The following USP24 variants were observed in gnomAD, a reference collection of about 807,000 sequenced individuals.
USP24 encodes ubiquitin carboxyl-terminal hydrolase 24.
USP24 carries 97 observed loss-of-function variants against 361.6 expected under a neutral mutation model. The observed-to-expected ratio is 0.27, with a 90% CI of 0.23 to 0.32. The LOEUF is 0.32. Ranked by LOEUF, USP24 falls within the 10% of genes least tolerant of loss-of-function variation. The pLI, the probability that USP24 is intolerant of heterozygous loss-of-function variation, is 1.00. For synonymous variants in USP24, 1,098 were observed against 1,124.6 expected, an observed-to-expected ratio of 0.98 and a Z score of 0.47; for missense variants, 2,353 against 3,165.6, an observed-to-expected ratio of 0.74 and a Z score of 6.16.
chr1:55,190,522 G>A (rs1347784038), intron 1 of USP24, among the ~76,000 whole-genome samples: 1 of 152,118 alleles, frequency 6.6e-6, no homozygotes, highest in African/African-American at 2.4e-5. Flanking sequence ...TCATAGCTCC[G>A]AACAGACATA....
At chr1:55,110,453 G>A (rs1011716340) in intron 38 of USP24, among the ~76,000 whole-genome samples, 1 of 152,144 alleles carries the variant, frequency 6.6e-6, no homozygotes, top group African/African-American at 2.4e-5. Context: ...ACGGTGTAAA[G>A]AGAGGGAAAC....
intron 8 of USP24, among the ~76,000 whole-genome samples, chr1:55,160,813 G>A (rs1164923294): frequency 8.5e-5 from 13 of 152,054 alleles, no homozygotes. Context: ...AAGAGCATGT[G>A]TTTAAAACCC....
intron 39 of USP24, 147 bp from the exon 40 acceptor site, chr1:55,107,577 C>T (rs865832135): frequency 9.2e-6 from 9 of 974,642 alleles, no homozygotes; most frequent in African/African-American, 8.3e-5. Flanking sequence ...GGCGAGCTGG[C>T]TCACATCTGT....
At chr1:55,156,902 G>A (rs760159045) in intron 12 of USP24, 46 bp downstream of exon 12, 2 of 1,422,544 alleles carry the variant, frequency 1.4e-6, no homozygotes, top group Non-Finnish European at 2.0e-6. Flanking sequence ...CTCTCCTGTA[G>A]TCCAAAAACA....
At chr1:55,070,866 T>C (rs1036115580) in intron 67 of USP24, among the ~76,000 whole-genome samples, 1 of 152,112 alleles carries the variant, frequency 6.6e-6, no homozygotes, top group African/African-American at 2.4e-5. Flanking sequence ...CGCTAGGGGC[T>C]TTGGGTGGAC....
Position 55,073,936 on chromosome 1 carries a change from A to G in USP24, c.7448-30T>C, listed in dbSNP as rs753444698. On this transcript the variant is annotated intron_variant, in intron 63 of 67. Coordinates refer to ENST00000294383, the MANE Select transcript of USP24 (RefSeq NM_015306.3). Reference sequence around the variant, plus strand: ...GGGAAGAGAAAAGGACATTTTAACAATAAAAGACTCAACTGAAAATGGCTC... The same window carrying G: ...GGGAAGAGAAAAGGACATTTTAACAGTAAAAGACTCAACTGAAAATGGCTC... The G allele has an allele frequency of 7.2e-6, 11 of 1,536,894 alleles. No individual in the cohort carries two copies. In the Middle Eastern group the frequency reaches 1.3e-3, roughly 188 times the overall value.
chr1:55,190,840 T>G (rs1331517353), intron 1 of USP24, among the ~76,000 whole-genome samples: 1 of 152,090 alleles, frequency 6.6e-6, no homozygotes, highest in Non-Finnish European at 1.5e-5. Flanking sequence ...TTGAAGAAGT[T>G]TAAAGGAAAT....
rs543369783 is a variant in USP24 at position 55,175,358 on chromosome 1, C to T, written c.558+1018G>A. Among the ~76,000 whole-genome samples the T allele has an allele frequency of 2.5e-3, 379 of 151,398 alleles. 2 individuals are homozygous for T. The highest frequency in any genetic ancestry group is 4.4e-3 in the Non-Finnish European group (300 of 67,908). ...TCTCCTGCCTCAGCCTCCTGCGTAG[C>T]TGGGATTATAGGTGCCCACCACCAG... On this transcript the variant is annotated intron_variant, in intron 3 of 67. Transcript: ENST00000294383.
chr1:55,198,487 G>T lies in USP24; in HGVS notation c.324+16303C>A, dbSNP rs140502275. On this transcript the variant is annotated intron_variant, in intron 1 of 67. Coordinates refer to ENST00000294383, the MANE Select transcript of USP24 (RefSeq NM_015306.3). Reference sequence around the variant, plus strand: ...CATGAGCTGTGTGATTTTAGACAGGGTTTCTTAACCTTGTTTCTACTGACA... The same window carrying T: ...CATGAGCTGTGTGATTTTAGACAGGTTTTCTTAACCTTGTTTCTACTGACA... 3.8e-3 allele frequency among the ~76,000 whole-genome samples: 572 copies of T among 152,268 alleles called. 5 individuals carry two copies. Among genetic ancestry groups the T allele is most frequent in the African/African-American group, 0.013 (535 of 41,550 alleles).
At chr1:55,076,135 G>A (rs1228639125) in intron 62 of USP24, among the ~76,000 whole-genome samples, 1 of 152,084 alleles carries the variant, frequency 6.6e-6, no homozygotes, top group Admixed American at 6.6e-5. Context: ...TTCTCTGTGG[G>A]TTATGAGGAC....
rs746695441 is a variant in USP24 at position 55,178,102 on chromosome 1, C to T, written c.355G>A (p.Glu119Lys). ...KNDENGNCSG[E>K]GIEFPTTNLY... ...TTTGTTGTAGGGAATTCAATTCCTT[C>T]CCCTGAGCAGTTTCCATTCTCATCA... is the stretch of plus-strand genomic sequence containing the variant. The change falls in exon 2 of 68, where the codon GAA becomes AAA. Residue 119 changes from glutamate to lysine, a missense_variant. Physicochemically the swap from Glu to Lys is moderately conservative, Grantham distance 56. Coordinates refer to ENST00000294383, the MANE Select transcript of USP24 (RefSeq NM_015306.3). The T allele has an allele frequency of 3.9e-6, 6 of 1,551,462 alleles. No individual in the cohort carries two copies. Among genetic ancestry groups the T allele is most frequent in the South Asian group, 3.6e-5 (3 of 84,040 alleles).
At chr1:55,169,101 G>C (rs1235773277) in intron 5 of USP24, among the ~76,000 whole-genome samples, 1 of 151,620 alleles carries the variant, frequency 6.6e-6, no homozygotes, top group African/African-American at 2.4e-5. Flanking sequence ...TATGAGTTAA[G>C]AACATGAGAC....
intron 1 of USP24, among the ~76,000 whole-genome samples, chr1:55,194,733 C>T (rs1179089868): frequency 6.6e-6 from 1 of 152,106 alleles, no homozygotes; most frequent in African/African-American, 2.4e-5. Context: ...TCCAGATTTA[C>T]CATATCCACA....
At chr1:55,189,683 TTATAGTA>T (rs1644234753) in intron 1 of USP24, among the ~76,000 whole-genome samples, 1 of 152,242 alleles carries the variant, frequency 6.6e-6, no homozygotes, top group East Asian at 1.9e-4. Flanking sequence ...ACGGTGAACT[TTATAGTA>T]TAAGAATTCT....
chr1:55,092,236 C>T, intron 53 of USP24, 110 bp from the exon 54 acceptor site: 1 of 610,256 alleles, frequency 1.6e-6, no homozygotes, highest in South Asian at 2.8e-5. Flanking sequence ...ATGATATACA[C>T]ACATGATAAA....
rs557195919 is a variant in USP24 at position 55,182,915 on chromosome 1, C to T, written c.325-4783G>A. On this transcript the variant is annotated intron_variant, in intron 1 of 67. Coordinates refer to ENST00000294383, the MANE Select transcript of USP24 (RefSeq NM_015306.3). ...TTTTTAGTAGAGAGAGACAGGGTTT[C>T]GCCATGTTGGTCAGGCTGGTCTTGA... Among the ~76,000 whole-genome samples, 483 of 152,180 alleles carry T rather than the reference C, an allele frequency of 3.2e-3. 2 individuals are homozygous for T. The highest frequency in any genetic ancestry group is 0.011 in the African/African-American group (462 of 41,520).
chr1:55,111,634 T>C (rs184060856), intron 38 of USP24, among the ~76,000 whole-genome samples: 88 of 152,224 alleles, frequency 5.8e-4, no homozygotes, highest in Non-Finnish European at 7.7e-4. Context: ...GGGGAAGCCA[T>C]TCTCTGAAAT....
intron 1 of USP24, among the ~76,000 whole-genome samples, chr1:55,189,385 T>C (rs567849433): frequency 6.6e-6 from 1 of 152,314 alleles, no homozygotes; most frequent in African/African-American, 2.4e-5. Flanking sequence ...ATGAACATAG[T>C]GAGTTGAATG....
intron 34 of USP24, 149 bp downstream of exon 34, chr1:55,125,171 T>G (rs1646391772): frequency 1.5e-6 from 1 of 683,068 alleles, no homozygotes; most frequent in Non-Finnish European, 2.4e-6. Context: ...TAGTTATTTC[T>G]ACCCTAGCGA....
Sources: allele counts gnomAD v4.1 joint callset (sites outside exome capture counted in the v4.1 genomes callset), GRCh38; gene constraint gnomAD v4.1.1; transcripts MANE v1.5; gene names NCBI Gene and HGNC (gene_info 2026-07-23, HGNC 2026-07-21).